The following PRR27 variants were observed in gnomAD, a reference collection of about 807,000 sequenced individuals.
PRR27 encodes the protein proline rich 27.
In PRR27, 12 loss-of-function variants were observed where a neutral mutation model predicts 16.8. The ratio of observed to expected loss-of-function variants is 0.71; its 90% CI spans 0.46 to 1.16. The LOEUF is 1.16. PRR27 is among the 50% of genes most tolerant of loss of function. The pLI is 0.00. For synonymous variants in PRR27, 100 were observed against 98.4 expected (o/e 1.02, Z -0.10); for missense variants, 277 against 273.3 (o/e 1.01, Z -0.10).
In PRR27 at chr4:70,166,253, G is replaced by C. The variant is rs1728764530; in HGVS notation, c.*3592G>C. On this transcript the variant is annotated 3_prime_UTR_variant, in exon 5 of 5. Transcript: ENST00000344526. ...ACTATATTTCCTACATTATGCTATA[G>C]AACTTATAGACTAATTTAAGTTAAT... 1 of 151,834 alleles carries C rather than the reference G, an allele frequency of 6.6e-6. No individual in the cohort carries two copies. The highest frequency in any genetic ancestry group is 1.5e-5 in the Non-Finnish European group (1 of 67,904). The allele number at this position is 151,834 out of a possible 1,614,324, so 9.4% of individuals were successfully genotyped here. A position where few individuals can be genotyped will look rare whatever the true frequency, so the allele number is the denominator to read the frequency against.
rs1241746545 is a variant in PRR27 at position 70,162,365 on chromosome 4, C to G, written c.*34-330C>G. ...TATTGTTGGTGATACCTCTTTACAG[C>G]AGCCATTGCCAAAGAAACTAAAAGA... is the stretch of plus-strand genomic sequence containing the variant. On this transcript the variant is annotated intron_variant, in intron 4 of 4. Transcript: ENST00000344526. Among the ~76,000 whole-genome samples, 5 of 152,182 alleles carry G rather than the reference C, an allele frequency of 3.3e-5. No individual in the cohort carries two copies. In the East Asian group the frequency reaches 9.6e-4, roughly 29 times the overall value.
chr4:70,158,276 T>C, intron 2 of PRR27, 52 bp from the exon 3 acceptor site: 1 of 1,059,566 alleles, frequency 9.4e-7, no homozygotes, highest in Non-Finnish European at 1.4e-6. Context: ...CCATAAGTAA[T>C]ATATAGACAG....
chr4:70,158,997 T>TAA, intron 3 of PRR27, 97 bp downstream of exon 3: 1 of 1,116,120 alleles, frequency 9.0e-7, no homozygotes, highest in Non-Finnish European at 1.3e-6. Context: ...TATATCAACT[T>TAA]AAATATTTTG....
Position 70,164,943 on chromosome 4 carries a change from T to G in PRR27, c.*2282T>G, listed in dbSNP as rs1046163976. 6.6e-6 allele frequency: 1 copy of G among 152,150 alleles called. No homozygotes were observed. The highest frequency in any genetic ancestry group is 1.5e-5 in the Non-Finnish European group (1 of 67,976). 9.4% of individuals were successfully genotyped at this position (152,150 alleles called of 1,614,324 possible). ...CATGACATCTTATCATGAGAAACAT[T>G]TACAGTTTTTGCTTTTACTACAAGA... is the stretch of plus-strand genomic sequence containing the variant. On this transcript the variant is annotated 3_prime_UTR_variant, in exon 5 of 5. Coordinates refer to ENST00000344526, the MANE Select transcript of PRR27 (RefSeq NM_214711.4).
rs200349462 is a variant in PRR27 at position 70,154,411 on chromosome 4, T to C, written c.36T>C (p.Val12=). The stretch of plus-strand genomic sequence containing the variant: ...TCCTTTGGGCCTGCATTGTATGTGT[T>C]GCTTTTGCAAGGAAGGTAAGTAAAT... ...KLLLWACIVC[V]AFARKRRFPF... is the part of the protein sequence containing the mutation. Residue 12 remains valine (V), a synonymous_variant, in exon 1 of 5, where the codon GTT becomes GTC. Transcript: ENST00000344526. The C allele has an allele frequency of 1.2e-4, 189 of 1,613,000 alleles. No individual in the cohort carries two copies. Among genetic ancestry groups the C allele is most frequent in the Non-Finnish European group, 1.5e-4 (178 of 1,179,216 alleles).
At chr4:70,159,797 A>AT (rs1728596083) in intron 3 of PRR27, among the ~76,000 whole-genome samples, 1 of 152,022 alleles carries the variant, frequency 6.6e-6, no homozygotes, top group South Asian at 2.1e-4. Flanking sequence ...TCCAAGGCTA[A>AT]TTTTTCCTTT....
chr4:70,165,134 T>C lies in PRR27; in HGVS notation c.*2473T>C, dbSNP rs1005957894. 9 of 152,104 alleles carry C rather than the reference T, an allele frequency of 5.9e-5. No individual in the cohort carries two copies. Among genetic ancestry groups the C allele is most frequent in the East Asian group, 1.9e-4 (1 of 5,194 alleles). 9.4% of individuals were successfully genotyped at this position (152,104 alleles called of 1,614,324 possible). A position where few individuals can be genotyped will look rare whatever the true frequency, so the allele number is the denominator to read the frequency against. On this transcript the variant is annotated 3_prime_UTR_variant, in exon 5 of 5. Transcript: ENST00000344526. ...ACATTTGAATTGAGGTAATTTCCAC[T>C]GTGGAAAACAAACTGTTGTTAGTAA...
rs372582532 is a variant in PRR27, at chr4:70,158,920, C to T, written c.648+20C>T. The T allele has an allele frequency of 3.1e-5, 49 of 1,585,710 alleles. No homozygotes were observed. In the Admixed American group the frequency reaches 3.3e-4, roughly 11 times the overall value. On this transcript the variant is annotated intron_variant, in intron 3 of 4. Transcript: ENST00000344526. Reference sequence around the variant, plus strand: ...GAACAGGTAGGTTGTTTATATCTTACCACTATAATGTATGAGAAATGAGAT... The same window carrying T: ...GAACAGGTAGGTTGTTTATATCTTATCACTATAATGTATGAGAAATGAGAT...
At chr4:70,159,029 T>C in intron 3 of PRR27, 129 bp downstream of exon 3, 3 of 798,446 alleles carry the variant, frequency 3.8e-6, no homozygotes, top group South Asian at 3.7e-5. Context: ...TCAGATACAA[T>C]TGACATACCA....
At position 70,164,159 on chromosome 4, in the gene PRR27, A is replaced by G. The variant is rs1237959356; in HGVS notation, c.*1498A>G. 6.6e-6 allele frequency: 1 copy of G among 151,950 alleles called. No homozygotes were observed. Among genetic ancestry groups the G allele is most frequent in the Non-Finnish European group, 1.5e-5 (1 of 67,998 alleles). 9.4% of individuals were successfully genotyped at this position (151,950 alleles called of 1,614,324 possible). The stretch of plus-strand genomic sequence containing the variant: ...GTGTATTGTCTTTGTTGTTGCCCTC[A>G]TCTTATCTCCACAAAAATATATGCT... On this transcript the variant is annotated 3_prime_UTR_variant, in exon 5 of 5. Coordinates refer to ENST00000344526, the MANE Select transcript of PRR27 (RefSeq NM_214711.4).
At chr4:70,161,423 C>T (rs915815225) in intron 3 of PRR27, among the ~76,000 whole-genome samples, 163 bp from the exon 4 acceptor site, 26 of 151,144 alleles carry the variant, frequency 1.7e-4, no homozygotes, top group African/African-American at 6.1e-4. Context: ...TTTCAGAAAG[C>T]TAAATCTAGT....
At position 70,166,116 on chromosome 4, in the gene PRR27, A is replaced by G. The variant is rs1728761772; in HGVS notation, c.*3455A>G. On this transcript the variant is annotated 3_prime_UTR_variant, in exon 5 of 5. Transcript: ENST00000344526. ...TTTCACAATTTACTATTTTTACTCA[A>G]CATTTATATTTCTGAGACTTTTCAC... is the stretch of plus-strand genomic sequence containing the variant. 2.0e-5 allele frequency: 3 copies of G among 152,118 alleles called. No homozygotes were observed. The highest frequency in any genetic ancestry group is 7.2e-5 in the African/African-American group (3 of 41,450). The allele number at this position is 152,118 out of a possible 1,614,324, so 9.4% of individuals were successfully genotyped here.
In PRR27 at chr4:70,156,491, T is replaced by C. The variant is rs371794528; in HGVS notation, c.75+414T>C. Among the ~76,000 whole-genome samples, 66 of 152,324 alleles carry C rather than the reference T, an allele frequency of 4.3e-4. 2 individuals carry two copies. The South Asian group carries it at 0.012, about 27-fold the overall frequency. ...CATGAAGTAGTGGGCCAGCCATATA[T>C]TCAGGTGTGTGTCTTCAAGCTAGGA... On this transcript the variant is annotated intron_variant, in intron 2 of 4. Transcript: ENST00000344526.
rs558685988 is a variant in PRR27, at chr4:70,163,029, G to T, written c.*368G>T. 6.6e-6 allele frequency: 1 copy of T among 152,188 alleles called. No individual in the cohort carries two copies. Among genetic ancestry groups the T allele is most frequent in the Admixed American group, 6.5e-5 (1 of 15,282 alleles). 9.4% of individuals were successfully genotyped at this position (152,188 alleles called of 1,614,324 possible). On this transcript the variant is annotated 3_prime_UTR_variant, in exon 5 of 5. Transcript: ENST00000344526. ...GTTTTTTCCTAAACAAACATATTTT[G>T]TAGTCAATGAACTTTTTGTCACAAA... is the stretch of plus-strand genomic sequence containing the variant.
At chr4:70,160,443 C>G (rs2222376) in intron 3 of PRR27, among the ~76,000 whole-genome samples, 43,620 of 69,706 alleles carry the variant, frequency 0.63, 13,672 homozygotes, top group Non-Finnish European at 0.69. Flanking sequence ...CTCTCTCTCT[C>G]TGTGTGTGTG....
chr4:70,154,553 T>C lies in PRR27; in HGVS notation c.51+127T>C, dbSNP rs553377909. On this transcript the variant is annotated intron_variant, in intron 1 of 4. Coordinates refer to ENST00000344526, the MANE Select transcript of PRR27 (RefSeq NM_214711.4). ...AGCAGCAGAGAGACATAGATGGACATGAGATTTGTAGTGTCAGACTTTTCA... is the reference window on the plus strand; with the variant it reads ...AGCAGCAGAGAGACATAGATGGACACGAGATTTGTAGTGTCAGACTTTTCA... 5.7e-5 allele frequency: 51 copies of C among 893,172 alleles called. No homozygotes were observed. The South Asian group carries it at 6.6e-4, about 12-fold the overall frequency. The allele number at this position is 893,172 out of a possible 1,614,324, so 55.3% of individuals were successfully genotyped here.
intron 3 of PRR27, 105 bp from the exon 4 acceptor site, chr4:70,161,481 C>A (rs1467473495): frequency 2.2e-5 from 14 of 650,290 alleles, no homozygotes; most frequent in Non-Finnish European, 3.4e-5. Context: ...CAGCAAAACA[C>A]AACTTCTCAG....
rs745754091 is a variant in PRR27, at chr4:70,156,058, G to A, written c.56G>A (p.Arg19Gln). 3.9e-5 allele frequency: 56 copies of A among 1,431,278 alleles called. No homozygotes were observed. Among genetic ancestry groups the A allele is most frequent in the Non-Finnish European group, 5.1e-5 (55 of 1,069,968 alleles). 88.7% of individuals were successfully genotyped at this position (1,431,278 alleles called of 1,614,324 possible). Residue 19 changes from arginine (R) to glutamine (Q), a missense_variant, in exon 2 of 5, where the codon CGG becomes CAG. Coordinates refer to ENST00000344526, the MANE Select transcript of PRR27 (RefSeq NM_214711.4). ...ATATATTTTTCTTTATTTTAGAGAC[G>A]GTTCCCCTTCATTGGTGAGGTAAAA... is the stretch of plus-strand genomic sequence containing the variant. ...IVCVAFARKRRFPFIGEDDND... is the reference protein window; with the variant it reads ...IVCVAFARKRQFPFIGEDDND...
At chr4:70,154,644 G>A in intron 1 of PRR27, 2 of 873,760 alleles carry the variant, frequency 2.3e-6, no homozygotes, top group South Asian at 1.5e-5. Flanking sequence ...AGCAAGGAAA[G>A]GAGGTAAGTT....
Sources: allele counts gnomAD v4.1 joint callset (sites outside exome capture counted in the v4.1 genomes callset), GRCh38; gene constraint gnomAD v4.1.1; transcripts MANE v1.5; gene names NCBI Gene and HGNC (gene_info 2026-07-23, HGNC 2026-07-21).